The following NEO1 variants were observed in gnomAD, a reference collection of about 807,000 sequenced individuals.
The protein encoded by NEO1 is neogenin.
NEO1 carries 63 observed loss-of-function variants against 159.7 expected under a neutral mutation model. The ratio of observed to expected loss-of-function variants is 0.39; its 90% CI spans 0.32 to 0.49. The LOEUF (loss-of-function observed/expected upper bound fraction) is 0.49, where lower values mean the gene tolerates loss of function less well. NEO1 is among the 20% of genes least tolerant of loss of function. NEO1 has a pLI of 0.85. For synonymous variants in NEO1, 633 were observed against 662.0 expected, an observed-to-expected ratio of 0.96 and a Z score of 0.67; for missense variants, 1,615 against 1,831.0, an observed-to-expected ratio of 0.88 and a Z score of 2.15.
intron 1 of NEO1, among the ~76,000 whole-genome samples, chr15:73,068,397 A>G (rs984095345): frequency 1.1e-4 from 16 of 151,956 alleles, no homozygotes; most frequent in African/African-American, 3.6e-4. Context: ...TTTTTAGTAG[A>G]GATGGGGTTT....
At chr15:73,104,076 G>A (rs2070547776) in intron 1 of NEO1, among the ~76,000 whole-genome samples, 1 of 152,100 alleles carries the variant, frequency 6.6e-6, no homozygotes, top group Non-Finnish European at 1.5e-5. Flanking sequence ...TGCTCAGGCT[G>A]GTCTCAAACT....
At chr15:73,273,616 G>A (rs937965985) in intron 19 of NEO1, among the ~76,000 whole-genome samples, 195 bp from the exon 20 acceptor site, 1 of 152,064 alleles carries the variant, frequency 6.6e-6, no homozygotes, top group African/African-American at 2.4e-5. Context: ...AGATCACATC[G>A]GTAAGAGCTA....
intron 5 of NEO1, among the ~76,000 whole-genome samples, chr15:73,166,782 A>G (rs1333787804): frequency 6.6e-6 from 1 of 152,102 alleles, no homozygotes. Context: ...CTTTAGGACA[A>G]AGATATTCAG....
intron 7 of NEO1, among the ~76,000 whole-genome samples, chr15:73,222,563 G>A (rs1386408026): frequency 6.6e-6 from 1 of 152,006 alleles, no homozygotes; most frequent in Non-Finnish European, 1.5e-5. Context: ...TAGTAGTCTT[G>A]AATGATCTTT....
intron 7 of NEO1, among the ~76,000 whole-genome samples, chr15:73,234,132 C>T (rs1296573141): frequency 2.6e-5 from 4 of 152,166 alleles, no homozygotes; most frequent in African/African-American, 9.7e-5. Context: ...GAATTGGAGG[C>T]AGCTTAGTGT....
chr15:73,250,172 T>TTATATATATA lies in NEO1; in HGVS notation c.1894+456_1894+465dup, dbSNP rs371296157. Among the ~76,000 whole-genome samples the TTATATATATA allele has an allele frequency of 8.3e-3, 1,252 of 151,252 alleles. 20 individuals carry two copies. Among genetic ancestry groups the TTATATATATA allele is most frequent in the African/African-American group, 0.029 (1,182 of 41,228 alleles). On this transcript the variant is annotated intron_variant, in intron 11 of 28. Transcript: ENST00000261908. The stretch of plus-strand genomic sequence containing the variant: ...CCTGTGACTGAATTTCTAAATTAAG[T>TTATATATATA]TATATATATATATACACCCATATAT...
intron 7 of NEO1, among the ~76,000 whole-genome samples, chr15:73,214,342 T>A (rs1398886846): frequency 2.0e-5 from 3 of 152,252 alleles, no homozygotes; most frequent in Non-Finnish European, 2.9e-5. Flanking sequence ...CATGAAATCC[T>A]TGCCTAAGCC....
chr15:73,160,917 T>A (rs1384316156), intron 5 of NEO1, among the ~76,000 whole-genome samples: 1 of 152,156 alleles, frequency 6.6e-6, no homozygotes, highest in Non-Finnish European at 1.5e-5. Context: ...GTTTGGGGAA[T>A]GGAGCTGAAA....
chr15:73,254,310 A>G (rs1418134211), intron 12 of NEO1, among the ~76,000 whole-genome samples: 1 of 152,102 alleles, frequency 6.6e-6, no homozygotes, highest in Non-Finnish European at 1.5e-5. Context: ...GCTCTTCTGC[A>G]CTGGACACGG....
At chr15:73,150,509 A>G (rs1046152667) in intron 5 of NEO1, among the ~76,000 whole-genome samples, 1 of 152,204 alleles carries the variant, frequency 6.6e-6, no homozygotes, top group Non-Finnish European at 1.5e-5. Flanking sequence ...TGCTGTATCA[A>G]ATATCTATCA....
chr15:73,278,214 A>G lies in NEO1; in HGVS notation c.3262+15A>G, dbSNP rs928505318. The G allele has an allele frequency of 1.9e-6, 3 of 1,607,866 alleles. No homozygotes were observed. The highest frequency in any genetic ancestry group is 1.3e-5 in the African/African-American group (1 of 74,692). On this transcript the variant is annotated intron_variant, in intron 22 of 28. Transcript: ENST00000261908. ...TCCAATGAGCGGTAAAGCCTTTCCC[A>G]TGGCGTTTTTTGCTTACTATGGACA...
intron 1 of NEO1, among the ~76,000 whole-genome samples, chr15:73,093,646 T>G (rs575766486): frequency 5.3e-5 from 8 of 151,950 alleles, no homozygotes; most frequent in African/African-American, 1.9e-4. Context: ...TGCTTACAGC[T>G]CACTGCAACC....
chr15:73,206,064 G>A (rs1404470614), intron 7 of NEO1, among the ~76,000 whole-genome samples: 2 of 151,846 alleles, frequency 1.3e-5, no homozygotes, highest in African/African-American at 4.8e-5. Flanking sequence ...GTGCCACTAC[G>A]TCCAGCTAAT....
intron 1 of NEO1, among the ~76,000 whole-genome samples, chr15:73,066,271 G>C (rs1251483282): frequency 6.7e-6 from 1 of 149,372 alleles, no homozygotes; most frequent in African/African-American, 2.5e-5. Flanking sequence ...CACCCACCTC[G>C]GCCTCCCAAA....
chr15:73,242,319 G>A (rs775749280), intron 8 of NEO1, among the ~76,000 whole-genome samples: 31 of 152,116 alleles, frequency 2.0e-4, no homozygotes, highest in Non-Finnish European at 1.5e-4. Flanking sequence ...TATGTTATAT[G>A]TATTATATAC....
chr15:73,260,388 G>A lies in NEO1; in HGVS notation c.2321G>A (p.Gly774Asp), dbSNP rs770679772. 5 of 1,614,028 alleles carry A rather than the reference G, an allele frequency of 3.1e-6. No homozygotes were observed. The highest frequency in any genetic ancestry group is 3.4e-6 in the Non-Finnish European group (4 of 1,179,950). Residue 774 changes from glycine (G) to aspartate (D), a missense_variant, in exon 15 of 29, where the codon GGT (glycine) becomes GAT (aspartate). By Grantham distance (94) the Gly-to-Asp change is moderately conservative (BLOSUM62 -1). Transcript: ENST00000261908. ...ATTGTGGTCAGAGGTTACGCCATTGGTTATGGCATTGGCAGCCCTCATGCC... is the reference window on the plus strand; with the variant it reads ...ATTGTGGTCAGAGGTTACGCCATTGATTATGGCATTGGCAGCCCTCATGCC... The part of the protein sequence containing the change: ...QNIVVRGYAI[G>D]YGIGSPHAQT...
At chr15:73,287,782 G>A (rs998443335) in intron 23 of NEO1, among the ~76,000 whole-genome samples, 21 of 152,034 alleles carry the variant, frequency 1.4e-4, no homozygotes, top group Admixed American at 5.9e-4. Flanking sequence ...TCAGGAAGCT[G>A]AGGCAGGAGA....
chr15:73,122,951 C>T lies in NEO1; in HGVS notation c.724+151C>T. On this transcript the variant is annotated intron_variant, in intron 3 of 28. Coordinates refer to ENST00000261908, the MANE Select transcript of NEO1 (RefSeq NM_002499.4). ...TTGGGAGGTTGAAGCGGGTGGATCA[C>T]CTGAGTTCCAGCCTGGCCAACATGG... is the stretch of plus-strand genomic sequence containing the variant. 4.3e-6 allele frequency: 4 copies of T among 927,966 alleles called. No individual in the cohort carries two copies. The South Asian group carries it at 5.1e-5, about 12-fold the overall frequency. 57.5% of individuals were successfully genotyped at this position (927,966 alleles called of 1,614,324 possible). A position where few individuals can be genotyped will look rare whatever the true frequency, so the allele number is the denominator to read the frequency against.
At chr15:73,122,381 T>A in intron 2 of NEO1, 144 bp from the exon 3 acceptor site, 1 of 685,210 alleles carries the variant, frequency 1.5e-6, no homozygotes, top group South Asian at 2.3e-5. Context: ...TCCCTGTATT[T>A]AGCTAATTTC....
Sources: allele counts gnomAD v4.1 joint callset (sites outside exome capture counted in the v4.1 genomes callset), GRCh38; gene constraint gnomAD v4.1.1; transcripts MANE v1.5; gene names NCBI Gene and HGNC (gene_info 2026-07-23, HGNC 2026-07-21).